The following EPM2A variants were observed in gnomAD, a reference collection of about 807,000 sequenced individuals.
EPM2A encodes the protein laforin.
A neutral mutation model predicts 26.5 loss-of-function variants in EPM2A; 21 were observed. The ratio of observed to expected loss-of-function variants is 0.79; its 90% CI spans 0.56 to 1.14. The LOEUF (loss-of-function observed/expected upper bound fraction) is 1.14, where lower values mean the gene tolerates loss of function less well. Ranked by LOEUF, EPM2A falls within the 50% of genes most tolerant of loss-of-function variation. The pLI is 0.00. For synonymous variants in EPM2A, 217 were observed against 177.6 expected (o/e 1.22, Z -1.76); for missense variants, 458 against 440.8 (o/e 1.04, Z -0.35).
rs1776792513 is a variant in EPM2A at position 145,735,252 on chromosome 6, T to A, written c.247A>T (p.Thr83Ser). ...CGCTTCAGGAACTTGTACCAGAACG[T>A]GTCCACGCGGCCCGGCTCCGCCCCG... Reference protein sequence around the residue: ...QDGAEPGRVDTFWYKFLKREP... With the variant: ...QDGAEPGRVDSFWYKFLKREP... The change falls in exon 1 of 4, where the codon ACG (threonine) becomes TCG (serine). Residue 83 changes from threonine (T) to serine (S), a missense_variant. Coordinates refer to ENST00000367519, the MANE Select transcript of EPM2A (RefSeq NM_005670.4). 1 of 1,533,266 alleles carries A rather than the reference T, an allele frequency of 6.5e-7. No individual in the cohort carries two copies. Among genetic ancestry groups the A allele is most frequent in the Non-Finnish European group, 8.8e-7 (1 of 1,139,256 alleles). 95.0% of individuals were successfully genotyped at this position (1,533,266 alleles called of 1,614,324 possible).
At chr6:145,730,765 A>C (rs755933680) in intron 1 of EPM2A, among the ~76,000 whole-genome samples, 3 of 152,232 alleles carry the variant, frequency 2.0e-5, no homozygotes, top group Non-Finnish European at 2.9e-5. Flanking sequence ...TTTAGCCTGT[A>C]ATAAGTGATA....
chr6:145,451,482 T>C (rs1779194689), intron 4 of EPM2A, among the ~76,000 whole-genome samples: 1 of 152,238 alleles, frequency 6.6e-6, no homozygotes, highest in Admixed American at 6.5e-5. Context: ...CATAGCTATT[T>C]GAAATAGCCA....
intron 2 of EPM2A, among the ~76,000 whole-genome samples, chr6:145,528,953 A>G (rs930764499): frequency 6.6e-6 from 1 of 152,150 alleles, no homozygotes; most frequent in African/African-American, 2.4e-5. Context: ...AATTCCAACC[A>G]TCATGGATAA....
At chr6:145,642,316 A>C (rs897916339) in intron 2 of EPM2A, among the ~76,000 whole-genome samples, 1 of 152,190 alleles carries the variant, frequency 6.6e-6, no homozygotes, top group Admixed American at 6.5e-5. Context: ...ACTTGAAAAG[A>C]CTTGTTTAAA....
chr6:145,712,082 T>G (rs1260847217), intron 1 of EPM2A, among the ~76,000 whole-genome samples: 1 of 152,126 alleles, frequency 6.6e-6, no homozygotes, highest in East Asian at 1.9e-4. Context: ...GGAAGAATGG[T>G]GAAATCATTG....
downstream of EPM2A, among the ~76,000 whole-genome samples, chr6:145,622,154 T>C (rs1374410703): frequency 3.3e-5 from 5 of 152,220 alleles, no homozygotes; most frequent in South Asian, 2.1e-4. Flanking sequence ...TATTAAAATA[T>C]GTCCTTTAGT....
intron 1 of EPM2A, among the ~76,000 whole-genome samples, chr6:145,716,461 G>A (rs1388044249): frequency 1.3e-5 from 2 of 152,170 alleles, no homozygotes; most frequent in African/African-American, 4.8e-5. Context: ...GTTGTCTGAT[G>A]TTTTATGTTT....
At chr6:145,470,222 T>C (rs1218425569) in intron 4 of EPM2A, among the ~76,000 whole-genome samples, 2 of 152,184 alleles carry the variant, frequency 1.3e-5, no homozygotes, top group Admixed American at 1.3e-4. Flanking sequence ...AGGTGATGGA[T>C]ATCCCATTTT....
intron 1 of EPM2A, among the ~76,000 whole-genome samples, chr6:145,711,303 G>A (rs573226330): frequency 1.2e-4 from 19 of 152,194 alleles, no homozygotes; most frequent in East Asian, 7.7e-4. Flanking sequence ...TCATTATACC[G>A]CAGGAGCTTG....
Position 145,398,421 on chromosome 6 carries a change from C to T in EPM2A, c.556-14324G>A, listed in dbSNP as rs544070542. Among the ~76,000 whole-genome samples, 4 of 152,042 alleles carry T rather than the reference C, an allele frequency of 2.6e-5. No individual in the cohort carries two copies. The South Asian group carries it at 8.3e-4, about 32-fold the overall frequency. On this transcript the variant is annotated intron_variant, in intron 4 of 4. Coordinates refer to the EPM2A transcript ENST00000638717. Reference sequence around the variant, plus strand: ...TTTTATGGACTTAACAGCCTTTTCTCATCTCTTTGTAATTGTCCCTTTATG... The same window carrying T: ...TTTTATGGACTTAACAGCCTTTTCTTATCTCTTTGTAATTGTCCCTTTATG...
downstream of EPM2A, among the ~76,000 whole-genome samples, chr6:145,497,967 G>C (rs906881189): frequency 2.6e-5 from 4 of 152,192 alleles, no homozygotes; most frequent in Admixed American, 6.5e-5. Flanking sequence ...TCGAAACTCT[G>C]TCTACAGGAG....
At chr6:145,696,775 ATGTGTGTG>A (rs35621582) in intron 1 of EPM2A, among the ~76,000 whole-genome samples, 11,932 of 135,200 alleles carry the variant, frequency 0.088, 517 homozygotes, top group Non-Finnish European at 0.11. Flanking sequence ...AGGTAGGGGT[ATGTGTGTG>A]TGTGTGTGTG....
intron 4 of EPM2A, among the ~76,000 whole-genome samples, chr6:145,482,759 T>C (rs1210324717): frequency 6.6e-6 from 1 of 152,134 alleles, no homozygotes; most frequent in Non-Finnish European, 1.5e-5. Context: ...ATCTCTGTTT[T>C]AGATCAGCAT....
chr6:145,427,759 T>C (rs1778870261), intron 4 of EPM2A, among the ~76,000 whole-genome samples: 1 of 152,192 alleles, frequency 6.6e-6, no homozygotes, highest in Non-Finnish European at 1.5e-5. Flanking sequence ...TGTCTCTTTG[T>C]TCTCTTCTAT....
chr6:145,733,435 A>G (rs1294052895), intron 1 of EPM2A, among the ~76,000 whole-genome samples: 1 of 152,140 alleles, frequency 6.6e-6, no homozygotes, highest in African/African-American at 2.4e-5. Flanking sequence ...TTTAACTTTT[A>G]AAATTATATA....
At chr6:145,566,680 T>C (rs1450080978) in intron 2 of EPM2A, among the ~76,000 whole-genome samples, 11 of 152,218 alleles carry the variant, frequency 7.2e-5, no homozygotes, top group Admixed American at 7.2e-4. Flanking sequence ...AAGAACATTC[T>C]GAAAGGATCT....
At chr6:145,708,480 G>A (rs1583096628) in intron 1 of EPM2A, among the ~76,000 whole-genome samples, 2 of 152,288 alleles carry the variant, frequency 1.3e-5, no homozygotes, top group Middle Eastern at 6.8e-3. Context: ...CTCTAGCCAT[G>A]GCTAAAAAAG....
chr6:145,505,257 A>T (rs1379852029), intron 2 of EPM2A, among the ~76,000 whole-genome samples: 1 of 151,076 alleles, frequency 6.6e-6, no homozygotes, highest in Non-Finnish European at 1.5e-5. Flanking sequence ...AAAAAAAAAA[A>T]TTTATTTTGA....
chr6:145,576,174 C>G (rs1245263298), intron 2 of EPM2A, among the ~76,000 whole-genome samples: 1 of 152,130 alleles, frequency 6.6e-6, no homozygotes, highest in Non-Finnish European at 1.5e-5. Flanking sequence ...ACAATTCCTG[C>G]CCAGGAAGAT....
Sources: gnomAD v4.1 joint callset for allele counts (sites outside exome capture counted in the v4.1 genomes callset) on GRCh38, gnomAD v4.1.1 for gene constraint, MANE v1.5 for transcripts, NCBI Gene and HGNC (gene_info 2026-07-23, HGNC 2026-07-21) for gene names.